IKBKB: variants seen among roughly 807,000 people sequenced by gnomAD.
IKBKB encodes the protein inhibitor of nuclear factor kappa-B kinase subunit beta.
Under a neutral mutation model 113.6 loss-of-function variants are expected in IKBKB, and 42 were observed. That is an observed-to-expected ratio of 0.37 (90% CI 0.29 to 0.48). The LOEUF (loss-of-function observed/expected upper bound fraction) is 0.48, where lower values mean the gene tolerates loss of function less well. Among genes scored for constraint, IKBKB ranks in the 20% least tolerant of loss-of-function variants. The pLI is 0.99. For missense variants in IKBKB, 673 were observed against 939.7 expected (o/e 0.72, Z 3.71); for synonymous variants, 296 against 361.3 (o/e 0.82, Z 2.05).
chr8:42,275,721 T>A (rs1808939134), intron 2 of IKBKB, among the ~76,000 whole-genome samples: 2 of 152,392 alleles, frequency 1.3e-5, no homozygotes, highest in South Asian at 4.1e-4. Flanking sequence ...ATATTTTGGC[T>A]ATTGTGAATA....
Position 42,322,409 on chromosome 8 carries a change from G to A in IKBKB, c.1901G>A (p.Ser634Asn), listed in dbSNP as rs1214076849. 1.2e-6 allele frequency: 2 copies of A among 1,614,006 alleles called. No individual in the cohort carries two copies. The highest frequency in any genetic ancestry group is 1.7e-6 in the Non-Finnish European group (2 of 1,180,024). The stretch of plus-strand genomic sequence containing the variant: ...TTGCCCAAGGTGGAAGAGGTGGTGA[G>A]CTTAATGAATGAGGATGAGAAGACT... ...ELLPKVEEVV[S>N]LMNEDEKTVV... The change falls in exon 19 of 22, where the codon AGC becomes AAC. Residue 634 changes from serine (S) to asparagine (N), a missense_variant. Physicochemically the swap from Ser to Asn is conservative, Grantham distance 46 (BLOSUM62 1). This residue lies in a region of IKBKB where 506 missense variants were observed against 638.7 expected (regional missense o/e 0.79). Transcript: ENST00000520810.
intron 19 of IKBKB, among the ~76,000 whole-genome samples, chr8:42,322,890 C>G (rs1820033379): frequency 6.6e-6 from 1 of 152,174 alleles, no homozygotes. Context: ...GCACTCCAAC[C>G]TGGGCAGCAG....
In IKBKB at chr8:42,331,130, C is replaced by T; in HGVS notation, c.*151C>T. The T allele has an allele frequency of 1.7e-6, 2 of 1,158,714 alleles. No homozygotes were observed. Among genetic ancestry groups the T allele is most frequent in the Non-Finnish European group, 2.5e-6 (2 of 804,470 alleles). The allele number at this position is 1,158,714 out of a possible 1,614,324, so 71.8% of individuals were successfully genotyped here. On this transcript the variant is annotated 3_prime_UTR_variant, in exon 22 of 22. Transcript: ENST00000520810. ...CTCTCACATGGTGGTTCCTGCTGCA[C>T]TGATGGCCCAGGGGTCTCTGGTATC...
At chr8:42,300,305 TCTCA>T (rs1814911015) in intron 5 of IKBKB, among the ~76,000 whole-genome samples, 1 of 152,180 alleles carries the variant, frequency 6.6e-6, no homozygotes, top group Admixed American at 6.5e-5. Flanking sequence ...CTGTTGCCTT[TCTCA>T]CTCAGTGATG....
intron 5 of IKBKB, 52 bp from the exon 6 acceptor site, chr8:42,305,135 T>A (rs1816245515): frequency 8.3e-7 from 1 of 1,205,314 alleles, no homozygotes. Context: ...GGAGATTCTG[T>A]CATGAAAAGC....
chr8:42,321,182 T>C (rs1819715551), intron 16 of IKBKB: 1 of 206,492 alleles, frequency 4.8e-6, no homozygotes, highest in Non-Finnish European at 9.7e-6. Flanking sequence ...CAGGCATAGC[T>C]CAGAGCAGAA....
intron 5 of IKBKB, among the ~76,000 whole-genome samples, chr8:42,304,179 C>T (rs1356974052): frequency 6.6e-6 from 1 of 152,206 alleles, no homozygotes; most frequent in East Asian, 1.9e-4. Context: ...TAAATTTTAT[C>T]CAGTGTTTAG....
At chr8:42,299,502 G>A (rs1423679887) in intron 5 of IKBKB, among the ~76,000 whole-genome samples, 5 of 151,744 alleles carry the variant, frequency 3.3e-5, no homozygotes, top group Non-Finnish European at 7.4e-5. Context: ...GAACCCACCC[G>A]CCAGCCTCCA....
chr8:42,302,765 CAA>C (rs57730472), intron 5 of IKBKB, among the ~76,000 whole-genome samples: 6 of 136,448 alleles, frequency 4.4e-5, no homozygotes, highest in African/African-American at 1.0e-4. Flanking sequence ...TTCCAAAATC[CAA>C]AAAAAAAAAA....
At chr8:42,304,050 T>C (rs1314412953) in intron 5 of IKBKB, among the ~76,000 whole-genome samples, 3 of 152,214 alleles carry the variant, frequency 2.0e-5, no homozygotes, top group African/African-American at 7.2e-5. Flanking sequence ...CCATGGTGTT[T>C]TGGAGTTTTT....
chr8:42,279,187 T>C (rs1200478786), intron 2 of IKBKB, among the ~76,000 whole-genome samples: 2 of 152,228 alleles, frequency 1.3e-5, no homozygotes, highest in African/African-American at 4.8e-5. Context: ...GGGAAATCTC[T>C]AGGGCTGCTT....
At chr8:42,319,945 T>C (rs1819453580) in intron 15 of IKBKB, 1 of 339,140 alleles carries the variant, frequency 2.9e-6, no homozygotes, top group East Asian at 4.9e-5. Flanking sequence ...AGGAAGGGCA[T>C]TGGATGGATG....
chr8:42,296,601 A>T (rs931471193), intron 5 of IKBKB, among the ~76,000 whole-genome samples: 4 of 152,048 alleles, frequency 2.6e-5, no homozygotes, highest in Non-Finnish European at 4.4e-5. Context: ...GTGAGCCAAG[A>T]TCGCACCATT....
intron 2 of IKBKB, among the ~76,000 whole-genome samples, chr8:42,274,786 GC>G (rs1224930652): frequency 0.21 from 1,150 of 5,552 alleles, 297 homozygotes; most frequent in South Asian, 0.46. Flanking sequence ...CCGCCGGCGC[GC>G]CCCCCCCCCC....
At chr8:42,290,956 C>G (rs1015451688) in intron 4 of IKBKB, among the ~76,000 whole-genome samples, 3 of 152,188 alleles carry the variant, frequency 2.0e-5, no homozygotes, top group Non-Finnish European at 4.4e-5. Context: ...ACCACACAGC[C>G]TGCTAGTACA....
rs575954072 is a variant in IKBKB, at chr8:42,287,092, TG to T, written c.106-1540del. ...CCCCCATAGCCAAAAGAGGTGACAG[TG>T]GTGCAGTGGTGACTCCCTTGTGGCA... On this transcript the variant is annotated intron_variant, in intron 2 of 21. Coordinates refer to ENST00000520810, the MANE Select transcript of IKBKB (RefSeq NM_001556.3). 1.6e-4 allele frequency among the ~76,000 whole-genome samples: 25 copies of T among 152,272 alleles called. No individual in the cohort carries two copies. The South Asian group carries it at 5.2e-3, about 32-fold the overall frequency.
rs1819152210 is a variant in IKBKB, at chr8:42,318,591, G to A, written c.1280G>A (p.Arg427Lys). The change falls in exon 13 of 22, where the codon AGG (arginine) becomes AAG (lysine). Residue 427 changes from arginine to lysine, a missense_variant. Arg to Lys is a conservative substitution (Grantham distance 26). This residue lies in a region of IKBKB where 506 missense variants were observed against 638.7 expected (regional missense o/e 0.79). Coordinates refer to ENST00000520810, the MANE Select transcript of IKBKB (RefSeq NM_001556.3). ...PKRNLAFFQL[R>K]KVWGQVWHSI... ...AGGAATCTCGCCTTCTTCCAGCTGA[G>A]GAAGGTGTGGGGCCAGGTCTGGCAC... 1 of 1,613,874 alleles carries A rather than the reference G, an allele frequency of 6.2e-7. No homozygotes were observed. Among genetic ancestry groups the A allele is most frequent in the Non-Finnish European group, 8.5e-7 (1 of 1,179,852 alleles).
chr8:42,311,866 C>T (rs761186169), intron 8 of IKBKB, among the ~76,000 whole-genome samples: 6 of 152,078 alleles, frequency 3.9e-5, no homozygotes, highest in Admixed American at 2.0e-4. Context: ...ATTGCATGTA[C>T]ATCTATAGTG....
chr8:42,325,688 A>G, intron 19 of IKBKB: 3 of 1,184,370 alleles, frequency 2.5e-6, no homozygotes, highest in Non-Finnish European at 3.2e-6. Flanking sequence ...ATAATCAATC[A>G]GTAAAGCTGA....
Sources: allele counts gnomAD v4.1 joint callset (sites outside exome capture counted in the v4.1 genomes callset), GRCh38; gene constraint gnomAD v4.1.1; regional missense constraint gnomAD v4.1.1; transcripts MANE v1.5; gene names NCBI Gene and HGNC (gene_info 2026-07-23, HGNC 2026-07-21).